ARHGAP29: variants seen among roughly 807,000 people sequenced by gnomAD.
ARHGAP29 encodes rho GTPase-activating protein 29.
Under a neutral mutation model 122.6 loss-of-function variants are expected in ARHGAP29, and 43 were observed. The observed-to-expected ratio is 0.35, with a 90% CI of 0.27 to 0.45. The LOEUF is 0.45. ARHGAP29 is among the 20% of genes least tolerant of loss of function. The probability of loss-of-function intolerance (pLI) is 1.00; values close to 1 mark genes in which losing one functional copy is unlikely to be tolerated. For synonymous variants in ARHGAP29, 506 were observed against 497.1 expected (o/e 1.02, Z -0.24); for missense variants, 1,303 against 1,477.2 (o/e 0.88, Z 1.93).
intron 7 of ARHGAP29, among the ~76,000 whole-genome samples, chr1:94,204,479 T>C (rs560204169): frequency 6.6e-6 from 1 of 152,312 alleles, no homozygotes; most frequent in Admixed American, 6.5e-5. Context: ...AATAATACAG[T>C]AGAAAGAGCA....
In ARHGAP29 at chr1:94,201,866, A is replaced by T. The variant is rs755688126; in HGVS notation, c.1144-9T>A. On this transcript the variant is annotated splice_polypyrimidine_tract_variant and intron_variant, in intron 11 of 22. Coordinates refer to ENST00000260526, the MANE Select transcript of ARHGAP29 (RefSeq NM_004815.4). ...TCATTTGCTTCTTCTACCTTCACAA[A>T]TATCACAGAAAAAAAAATAACACTA... 1.9e-4 allele frequency: 282 copies of T among 1,456,662 alleles called. 5 individuals are homozygous for T. Among genetic ancestry groups the T allele is most frequent in the South Asian group, 1.8e-3 (146 of 80,178 alleles). The allele number at this position is 1,456,662 out of a possible 1,614,324, so 90.2% of individuals were successfully genotyped here.
chr1:94,232,152 C>T (rs963547239), intron 1 of ARHGAP29, among the ~76,000 whole-genome samples: 1 of 152,178 alleles, frequency 6.6e-6, no homozygotes, highest in African/African-American at 2.4e-5. Flanking sequence ...AAAAGAAATA[C>T]CTGTTCTTAA....
At chr1:94,278,028 C>A (rs1655245397), upstream of ARHGAP29, among the ~76,000 whole-genome samples, 1 of 152,168 alleles carries the variant, frequency 6.6e-6, no homozygotes, top group African/African-American at 2.4e-5. Context: ...TAAAATGTTT[C>A]AAGTAGGCCG....
At chr1:94,300,391 C>T in the ARHGAP29 span, among the ~76,000 whole-genome samples, 1 of 152,170 alleles carries the variant, frequency 6.6e-6, no homozygotes, top group Non-Finnish European at 1.5e-5. Flanking sequence ...GTCTCACATT[C>T]CTGGTGGGTG....
chr1:94,243,396 TAGTC>T (rs1353832812), intron 1 of ARHGAP29, among the ~76,000 whole-genome samples: 6 of 152,068 alleles, frequency 3.9e-5, no homozygotes, highest in African/African-American at 7.2e-5. Flanking sequence ...AACAGAAAGA[TAGTC>T]AGGAAATCCC....
At chr1:94,307,684 A>G in the ARHGAP29 span, among the ~76,000 whole-genome samples, 1 of 152,240 alleles carries the variant, frequency 6.6e-6, no homozygotes, top group Non-Finnish European at 1.5e-5. Flanking sequence ...ATGAGAAAGG[A>G]TAGGATATTT....
chr1:94,208,751 C>T (rs1303314158), intron 5 of ARHGAP29, 81 bp downstream of exon 5: 7 of 1,388,486 alleles, frequency 5.0e-6, no homozygotes, highest in East Asian at 4.8e-5. Context: ...TGAGCCACCA[C>T]CCCCGGCCTA....
intron 2 of ARHGAP29, among the ~76,000 whole-genome samples, chr1:94,227,894 T>C (rs952966535): frequency 1.5e-4 from 23 of 151,782 alleles, no homozygotes; most frequent in Non-Finnish European, 2.8e-4. Context: ...TCATATAAGA[T>C]AGAACATTTA....
At chr1:94,244,979 T>C (rs1653734140) in intron 1 of ARHGAP29, among the ~76,000 whole-genome samples, 1 of 152,088 alleles carries the variant, frequency 6.6e-6, no homozygotes, top group African/African-American at 2.4e-5. Flanking sequence ...AACTGGGCAA[T>C]AAGCACATGA....
In ARHGAP29 at chr1:94,177,487, A is replaced by G. The variant is rs555154617; in HGVS notation, c.2905+125T>C. 2.5e-4 allele frequency: 154 copies of G among 621,334 alleles called. 1 individual carries two copies. The African/African-American group carries it at 2.8e-3, about 11-fold the overall frequency. 38.5% of individuals were successfully genotyped at this position (621,334 alleles called of 1,614,324 possible). ...GCAACTTTCTCAATGGCTAGCCAAG[A>G]TTTGTTAACTAATAAAGCTTCATTC... is the stretch of plus-strand genomic sequence containing the variant. On this transcript the variant is annotated intron_variant, in intron 22 of 22. Transcript: ENST00000260526.
intron 3 of ARHGAP29, among the ~76,000 whole-genome samples, chr1:94,211,307 A>AAC (rs1362764989): frequency 2.7e-5 from 4 of 150,438 alleles, no homozygotes; most frequent in Admixed American, 6.6e-5. Flanking sequence ...AAAAAAAAAA[A>AAC]AAAAAAGGAC....
intron 1 of ARHGAP29, among the ~76,000 whole-genome samples, chr1:94,251,703 T>G (rs1202402503): frequency 6.6e-6 from 1 of 152,206 alleles, no homozygotes; most frequent in Non-Finnish European, 1.5e-5. Flanking sequence ...TTCCCATACA[T>G]CTACGTGACT....
chr1:94,283,431 A>G, the ARHGAP29 span, among the ~76,000 whole-genome samples: 5 of 152,178 alleles, frequency 3.3e-5, no homozygotes, highest in Admixed American at 2.6e-4. Context: ...TGAGGTATAT[A>G]ATAGATTTCA....
intron 7 of ARHGAP29, among the ~76,000 whole-genome samples, chr1:94,204,201 C>G (rs909972040): frequency 1.3e-5 from 2 of 151,132 alleles, no homozygotes; most frequent in African/African-American, 4.9e-5. Flanking sequence ...AGGCTGGTCT[C>G]GAACTCCCAG....
Position 94,173,919 on chromosome 1 carries a change from GT to G in ARHGAP29, c.3735del (p.Lys1245AsnfsTer40). On this transcript the variant is annotated frameshift_variant, in exon 23 of 23. Transcript: ENST00000260526. LOFTEE classifies it high-confidence loss of function. ...VNPMCQRPRL[K>X]RMQQFEDLEG... ...TCGAGGTCTTCAAACTGTTGCATTC[GT>G]TTTAGCCTTGGTCTCTGACACATTG... The G allele has an allele frequency of 6.2e-7, 1 of 1,613,336 alleles. No individual in the cohort carries two copies. Among genetic ancestry groups the G allele is most frequent in the South Asian group, 1.1e-5 (1 of 91,020 alleles).
At chr1:94,253,118 A>G (rs1183933869) in intron 1 of ARHGAP29, among the ~76,000 whole-genome samples, 4 of 151,982 alleles carry the variant, frequency 2.6e-5, no homozygotes, top group Non-Finnish European at 5.9e-5. Context: ...CTACAGGTGC[A>G]TGCCACCACA....
chr1:94,242,181 G>C (rs1438703955), upstream of ARHGAP29, among the ~76,000 whole-genome samples: 1 of 152,100 alleles, frequency 6.6e-6, no homozygotes, highest in Admixed American at 6.6e-5. Context: ...GCTATAGATG[G>C]ACGATTCCCA....
intron 1 of ARHGAP29, among the ~76,000 whole-genome samples, chr1:94,270,208 G>T (rs193035658): frequency 6.6e-6 from 1 of 152,174 alleles, no homozygotes; most frequent in Admixed American, 6.5e-5. Flanking sequence ...ACTCTATCAA[G>T]ATTCAGGGAT....
Position 94,172,458 on chromosome 1 carries a change from C to G in ARHGAP29, c.*1411G>C, listed in dbSNP as rs1169067941. On this transcript the variant is annotated 3_prime_UTR_variant, in exon 23 of 23. Coordinates refer to ENST00000260526, the MANE Select transcript of ARHGAP29 (RefSeq NM_004815.4). Reference sequence around the variant, plus strand: ...CTTTACATCACATAGAACTATAAAACAGGTTTCCATAAAATTCATTCCACA... The same window carrying G: ...CTTTACATCACATAGAACTATAAAAGAGGTTTCCATAAAATTCATTCCACA... 2 of 152,042 alleles carry G rather than the reference C, an allele frequency of 1.3e-5. No individual in the cohort carries two copies. Among genetic ancestry groups the G allele is most frequent in the East Asian group, 1.9e-4 (1 of 5,198 alleles). The allele number at this position is 152,042 out of a possible 1,614,324, so 9.4% of individuals were successfully genotyped here.
Sources: allele counts gnomAD v4.1 joint callset (sites outside exome capture counted in the v4.1 genomes callset), GRCh38; gene constraint gnomAD v4.1.1; transcripts MANE v1.5; gene names NCBI Gene and HGNC (gene_info 2026-07-23, HGNC 2026-07-21).